The following CNTLN variants were observed in gnomAD, a reference collection of about 807,000 sequenced individuals.
The protein encoded by CNTLN is centlein.
Under a neutral mutation model 180.0 loss-of-function variants are expected in CNTLN, and 212 were observed. That is an observed-to-expected ratio of 1.18 (90% CI 1.05 to 1.32). CNTLN has a LOEUF of 1.32. Ranked by LOEUF, CNTLN falls within the 40% of genes most tolerant of loss-of-function variation. CNTLN has a pLI of 0.00. For missense variants in CNTLN, 2,095 were observed against 1,610.9 expected, an observed-to-expected ratio of 1.30 and a Z score of -5.14; for synonymous variants, 722 against 563.1, an observed-to-expected ratio of 1.28 and a Z score of -3.99.
Position 17,143,350 on chromosome 9 carries a change from A to G in CNTLN, c.423A>G (p.Thr141=). Residue 141 remains threonine (T), a synonymous_variant, in exon 2 of 26, where the codon ACA becomes ACG. Coordinates refer to ENST00000380647, the MANE Select transcript of CNTLN (RefSeq NM_017738.4). The part of the protein sequence containing the change: ...KRLQVTNPDL[T]QVVSLVVERE... ...TCCAGGTTACAAACCCAGATCTCAC[A>G]CAAGTGGTCAGTTTGGTTGTGGAAA... is the stretch of plus-strand genomic sequence containing the variant. 3 of 1,613,680 alleles carry G rather than the reference A, an allele frequency of 1.9e-6. No homozygotes were observed. Among genetic ancestry groups the G allele is most frequent in the South Asian group, 2.2e-5 (2 of 91,042 alleles).
At chr9:17,379,471 G>A (rs2133573574) in intron 13 of CNTLN, among the ~76,000 whole-genome samples, 1 of 152,144 alleles carries the variant, frequency 6.6e-6, no homozygotes, top group East Asian at 1.9e-4. Flanking sequence ...GAAGATTACT[G>A]GACTACATTT....
intron 5 of CNTLN, among the ~76,000 whole-genome samples, chr9:17,250,522 T>C (rs1056663887): frequency 6.6e-5 from 10 of 151,972 alleles, no homozygotes; most frequent in Non-Finnish European, 1.0e-4. Context: ...ATAATTTCTT[T>C]GTGCTTACCA....
At chr9:17,357,356 C>A (rs942799287) in intron 12 of CNTLN, among the ~76,000 whole-genome samples, 1 of 151,732 alleles carries the variant, frequency 6.6e-6, no homozygotes, top group Admixed American at 6.6e-5. Flanking sequence ...GTATCCTCCA[C>A]AGGCAGATAT....
intron 7 of CNTLN, among the ~76,000 whole-genome samples, chr9:17,304,184 C>G (rs1818553783): frequency 6.6e-6 from 1 of 152,086 alleles, no homozygotes. Flanking sequence ...AGAGGTGAGT[C>G]ATATTGTCCC....
In CNTLN at chr9:17,261,973, A is replaced by C. The variant is rs918235912; in HGVS notation, c.850-11760A>C. Among the ~76,000 whole-genome samples, 22 of 151,630 alleles carry C rather than the reference A, an allele frequency of 1.5e-4. 1 individual carries two copies. The highest frequency in any genetic ancestry group is 5.1e-4 in the African/African-American group (21 of 40,934). ...CATTTATGATGCCAACAAACATAGG[A>C]AAAAAGCTTATCAGTAGTCATTAGA... On this transcript the variant is annotated intron_variant, in intron 5 of 25. Coordinates refer to ENST00000380647, the MANE Select transcript of CNTLN (RefSeq NM_017738.4).
intron 25 of CNTLN, among the ~76,000 whole-genome samples, chr9:17,495,805 C>T (rs906091161): frequency 2.0e-5 from 3 of 152,122 alleles, no homozygotes; most frequent in African/African-American, 4.8e-5. Context: ...GTCCTATTCA[C>T]GGGTACCATT....
intron 3 of CNTLN, among the ~76,000 whole-genome samples, chr9:17,229,709 T>C (rs951096610): frequency 2.6e-5 from 4 of 152,114 alleles, no homozygotes; most frequent in Non-Finnish European, 5.9e-5. Flanking sequence ...ACTTTCACAA[T>C]AACATCTAGA....
At position 17,456,080 on chromosome 9, in the gene CNTLN, A is replaced by G. The variant is rs1564121739; in HGVS notation, c.3115-1444A>G. On this transcript the variant is annotated intron_variant, in intron 18 of 25. Coordinates refer to ENST00000380647, the MANE Select transcript of CNTLN (RefSeq NM_017738.4). ...TAATGAGATAATGAGGGTTTGCATT[A>G]AGAGAGTGGCTGAAAGGAATGAAAA... Among the ~76,000 whole-genome samples the G allele has an allele frequency of 3.3e-5, 5 of 152,148 alleles. No individual in the cohort carries two copies. In the South Asian group the frequency reaches 1.0e-3, roughly 31 times the overall value.
At chr9:17,185,879 A>T (rs1329076800) in intron 2 of CNTLN, among the ~76,000 whole-genome samples, 1 of 150,030 alleles carries the variant, frequency 6.7e-6, no homozygotes, top group African/African-American at 2.5e-5. Flanking sequence ...TGTAGCCTCT[A>T]CCTCCTGGGC....
chr9:17,151,034 A>C lies in CNTLN; in HGVS notation c.449+7658A>C, dbSNP rs141309683. On this transcript the variant is annotated intron_variant, in intron 2 of 25. Transcript: ENST00000380647. ...TTTGCTGAAGTTGCTTATCAGCTTA[A>C]GGAGGATTTGGGCTGAGACCATGGG... 1.6e-3 allele frequency among the ~76,000 whole-genome samples: 242 copies of C among 152,318 alleles called. 1 individual carries two copies. Among genetic ancestry groups the C allele is most frequent in the African/African-American group, 5.6e-3 (233 of 41,566 alleles).
At chr9:17,519,582 A>G in the CNTLN span, among the ~76,000 whole-genome samples, 6 of 152,316 alleles carry the variant, frequency 3.9e-5, no homozygotes, top group South Asian at 1.2e-3. Context: ...GGATGCAGGG[A>G]GACTTGCCAG....
At chr9:17,356,630 T>C (rs942014630) in intron 12 of CNTLN, among the ~76,000 whole-genome samples, 1 of 152,200 alleles carries the variant, frequency 6.6e-6, no homozygotes, top group Non-Finnish European at 1.5e-5. Flanking sequence ...TGTAACTGAA[T>C]CTGTGTGACC....
At chr9:17,496,415 T>A (rs4639599) in intron 25 of CNTLN, among the ~76,000 whole-genome samples, 58,113 of 151,884 alleles carry the variant, frequency 0.38, 11,314 homozygotes, top group East Asian at 0.53. Flanking sequence ...CATAGCAGAG[T>A]GAGCAAGGGA....
chr9:17,265,347 T>A (rs1827338234), intron 5 of CNTLN, among the ~76,000 whole-genome samples: 1 of 152,226 alleles, frequency 6.6e-6, no homozygotes, highest in African/African-American at 2.4e-5. Context: ...TTACACTTAT[T>A]GATTTGCGTA....
At position 17,464,585 on chromosome 9, in the gene CNTLN, AAG is replaced by A. The variant is rs749429494; in HGVS notation, c.3496_3497del (p.Ser1166PhefsTer2). 1 of 1,506,780 alleles carries A rather than the reference AAG, an allele frequency of 6.6e-7. No homozygotes were observed. Among genetic ancestry groups the A allele is most frequent in the East Asian group, 2.6e-5 (1 of 38,982 alleles). 93.3% of individuals were successfully genotyped at this position (1,506,780 alleles called of 1,614,324 possible). ...ACAGAAAGTAAATTTGGAAAGTAAC[AAG>A]AGTTTTAGTGAAATGTTACAAAATC... The part of the protein sequence containing the change: ...FRQKVNLESN[K>X]SFSEMLQNLD... On this transcript the variant is annotated frameshift_variant, in exon 21 of 26. Coordinates refer to ENST00000380647, the MANE Select transcript of CNTLN (RefSeq NM_017738.4). LOFTEE classifies it high-confidence loss of function.
In CNTLN at chr9:17,200,796, C is replaced by T. The variant is rs183531092; in HGVS notation, c.450-25407C>T. On this transcript the variant is annotated intron_variant, in intron 2 of 25. Transcript: ENST00000380647. ...TCATCTGCAGAGACAATTTGACTTC[C>T]TCTCTTCCTATGTGAATACCCTTTA... Among the ~76,000 whole-genome samples, 782 of 152,296 alleles carry T rather than the reference C, an allele frequency of 5.1e-3. 5 individuals are homozygous for T. The highest frequency in any genetic ancestry group is 8.0e-3 in the Admixed American group (122 of 15,298).
At chr9:17,424,117 C>A (rs909282954) in intron 18 of CNTLN, among the ~76,000 whole-genome samples, 1 of 152,098 alleles carries the variant, frequency 6.6e-6, no homozygotes, top group Non-Finnish European at 1.5e-5. Context: ...CCCTCAATCT[C>A]ATTTATTATT....
chr9:17,222,227 A>G (rs900821219), intron 2 of CNTLN, among the ~76,000 whole-genome samples: 2 of 151,938 alleles, frequency 1.3e-5, no homozygotes, highest in African/African-American at 4.8e-5. Context: ...ACTTTTCAGT[A>G]TTTCTGTGTT....
chr9:17,359,301 G>A (rs1324657841), intron 12 of CNTLN, among the ~76,000 whole-genome samples: 4 of 151,972 alleles, frequency 2.6e-5, no homozygotes, highest in African/African-American at 4.8e-5. Flanking sequence ...TTACAGGTGT[G>A]AGCTACTGCA....
Sources: gnomAD v4.1 joint callset for allele counts (sites outside exome capture counted in the v4.1 genomes callset) on GRCh38, gnomAD v4.1.1 for gene constraint, MANE v1.5 for transcripts, NCBI Gene and HGNC (gene_info 2026-07-23, HGNC 2026-07-21) for gene names.